The following ZMYM4 variants were observed in gnomAD, a reference collection of about 807,000 sequenced individuals.
ZMYM4 encodes the protein zinc finger MYM-type containing 4.
ZMYM4 carries 31 observed loss-of-function variants against 183.2 expected under a neutral mutation model. The observed-to-expected ratio is 0.17, with a 90% CI of 0.13 to 0.23. The LOEUF is 0.23. ZMYM4 is among the 10% of genes least tolerant of loss of function. ZMYM4 has a pLI of 1.00. For synonymous variants in ZMYM4, 592 were observed against 631.2 expected (o/e 0.94, Z 0.93); for missense variants, 1,273 against 1,840.3 (o/e 0.69, Z 5.64).
At chr1:35,374,921 T>G (rs1171391863) in intron 7 of ZMYM4, among the ~76,000 whole-genome samples, 1 of 152,200 alleles carries the variant, frequency 6.6e-6, no homozygotes, top group Non-Finnish European at 1.5e-5. Context: ...TTTATCTATG[T>G]CTTGATCTTA....
intron 1 of ZMYM4, among the ~76,000 whole-genome samples, chr1:35,314,518 C>T (rs1408518840): frequency 6.6e-6 from 1 of 151,438 alleles, no homozygotes; most frequent in Non-Finnish European, 1.5e-5. Context: ...CTCCTGACCT[C>T]AAGTGATCCA....
rs200690605 is a variant in ZMYM4, at chr1:35,367,220, AT to A, written c.841-2795del. Reference sequence around the variant, plus strand: ...TGGTTGAACATCATACAATTAATTAATTTTTTTTTTTTTTAAAAGACAGAGT... The same window carrying A: ...TGGTTGAACATCATACAATTAATTAATTTTTTTTTTTTTAAAAGACAGAGT... On this transcript the variant is annotated intron_variant, in intron 5 of 29. Transcript: ENST00000314607. 8.4e-3 allele frequency among the ~76,000 whole-genome samples: 1,219 copies of A among 145,288 alleles called. 14 individuals carry two copies. Among genetic ancestry groups the A allele is most frequent in the African/African-American group, 0.026 (1,028 of 39,862 alleles).
At chr1:35,355,696 T>C (rs915630829) in intron 2 of ZMYM4, among the ~76,000 whole-genome samples, 1 of 152,198 alleles carries the variant, frequency 6.6e-6, no homozygotes, top group Admixed American at 6.5e-5. Flanking sequence ...ACTTGATCTT[T>C]TATTCTGGAT....
chr1:35,322,660 G>T (rs552833979), intron 1 of ZMYM4, among the ~76,000 whole-genome samples: 2 of 152,128 alleles, frequency 1.3e-5, no homozygotes, highest in African/African-American at 4.8e-5. Flanking sequence ...GACAGGTGTC[G>T]TAGGCAGCAT....
intron 1 of ZMYM4, among the ~76,000 whole-genome samples, chr1:35,305,032 G>C (rs1288450339): frequency 6.6e-6 from 1 of 151,888 alleles, no homozygotes; most frequent in Non-Finnish European, 1.5e-5. Flanking sequence ...TTTTAGTAGA[G>C]ATGGGGTTTC....
At chr1:35,388,192 A>G (rs549511084) in intron 13 of ZMYM4, among the ~76,000 whole-genome samples, 2 of 152,210 alleles carry the variant, frequency 1.3e-5, no homozygotes, top group South Asian at 4.1e-4. Flanking sequence ...TACCTAAATA[A>G]AAGTTTTTTT....
rs56242648 is a variant in ZMYM4 at position 35,331,797 on chromosome 1, CATAA to C, written c.85+6430_85+6433del. 8.5e-3 allele frequency among the ~76,000 whole-genome samples: 1,190 copies of C among 140,624 alleles called. 3 individuals are homozygous for C. Among genetic ancestry groups the C allele is most frequent in the South Asian group, 0.015 (64 of 4,386 alleles). The allele number at this position is 140,624 out of a possible 152,430, so 92.3% of individuals were successfully genotyped here. ...AGAAAAAGACTCCATCTCAAAAATA[CATAA>C]ATAAATAAATAAATAAATAAATAAA... On this transcript the variant is annotated intron_variant, in intron 2 of 29. Transcript: ENST00000314607.
chr1:35,295,060 G>C (rs1012710844), intron 1 of ZMYM4, among the ~76,000 whole-genome samples: 3 of 152,232 alleles, frequency 2.0e-5, no homozygotes, highest in Non-Finnish European at 4.4e-5. Context: ...GGAGGATACA[G>C]TAATGAATAA....
At chr1:35,393,564 G>A (rs769462888) in intron 17 of ZMYM4, 31 bp from the exon 18 acceptor site, 1 of 1,547,872 alleles carries the variant, frequency 6.5e-7, no homozygotes, top group Non-Finnish European at 8.7e-7. Context: ...TTTTAAAAAT[G>A]TTTTTGGTTT....
chr1:35,325,063 T>A (rs950484188), intron 1 of ZMYM4, among the ~76,000 whole-genome samples: 2 of 152,158 alleles, frequency 1.3e-5, no homozygotes, highest in African/African-American at 4.8e-5. Context: ...TGTTTACTGT[T>A]ATTAAAATAT....
chr1:35,288,131 A>G (rs1196817856), intron 1 of ZMYM4, among the ~76,000 whole-genome samples: 2 of 152,198 alleles, frequency 1.3e-5, no homozygotes, highest in East Asian at 1.9e-4. Context: ...TACATCAGGT[A>G]TGATTTTAAA....
chr1:35,345,518 G>C (rs1033358440), intron 2 of ZMYM4, among the ~76,000 whole-genome samples: 1 of 151,722 alleles, frequency 6.6e-6, no homozygotes, highest in Non-Finnish European at 1.5e-5. Flanking sequence ...GCAGTGGTGC[G>C]ATCTCGACTC....
Position 35,277,428 on chromosome 1 carries a change from A to G in ZMYM4, c.39+8343A>G, listed in dbSNP as rs368322746. On this transcript the variant is annotated intron_variant, in intron 1 of 29. Coordinates refer to ENST00000314607, the MANE Select transcript of ZMYM4 (RefSeq NM_005095.3). Reference sequence around the variant, plus strand: ...ATAGTTTAAACTGGAATTGTTCTAGACAAATTAGGATTTATAGTCATTCCA... The same window carrying G: ...ATAGTTTAAACTGGAATTGTTCTAGGCAAATTAGGATTTATAGTCATTCCA... Among the ~76,000 whole-genome samples, 8 of 152,334 alleles carry G rather than the reference A, an allele frequency of 5.3e-5. No homozygotes were observed. The East Asian group carries it at 1.5e-3, about 29-fold the overall frequency.
chr1:35,402,989 G>A (rs1349041987), intron 23 of ZMYM4, among the ~76,000 whole-genome samples: 5 of 152,166 alleles, frequency 3.3e-5, no homozygotes, highest in Non-Finnish European at 7.4e-5. Flanking sequence ...AAAGTATGAT[G>A]TTACCTGTAG....
chr1:35,405,943 A>G (rs1644995475), intron 25 of ZMYM4, among the ~76,000 whole-genome samples: 1 of 152,192 alleles, frequency 6.6e-6, no homozygotes, highest in Non-Finnish European at 1.5e-5. Context: ...TAAGGCCCAC[A>G]TTAGTTTTCA....
At chr1:35,349,396 T>G (rs1643514436) in intron 2 of ZMYM4, among the ~76,000 whole-genome samples, 1 of 152,248 alleles carries the variant, frequency 6.6e-6, no homozygotes, top group African/African-American at 2.4e-5. Context: ...AATAAATGTT[T>G]AAGGCAATTG....
At chr1:35,333,534 A>G (rs1642847239) in intron 2 of ZMYM4, among the ~76,000 whole-genome samples, 1 of 152,128 alleles carries the variant, frequency 6.6e-6, no homozygotes, top group Non-Finnish European at 1.5e-5. Flanking sequence ...CTGGGATTAC[A>G]AGTGTCAGCT....
rs561582512 is a variant in ZMYM4 at position 35,347,779 on chromosome 1, C to G, written c.86-11146C>G. Among the ~76,000 whole-genome samples, 19 of 152,150 alleles carry G rather than the reference C, an allele frequency of 1.2e-4. 1 individual carries two copies. In the South Asian group the frequency reaches 3.7e-3, roughly 30 times the overall value. ...GGTCATTGGTACCGTCTCCCCATAT[C>G]TCTGTGGTATTGTGCTTCTGCAATT... On this transcript the variant is annotated intron_variant, in intron 2 of 29. Transcript: ENST00000314607.
chr1:35,286,739 C>G (rs1557915421), intron 1 of ZMYM4, among the ~76,000 whole-genome samples: 1 of 145,084 alleles, frequency 6.9e-6, no homozygotes, highest in Non-Finnish European at 1.5e-5. Flanking sequence ...GCTAGGACCA[C>G]AGACAATACC....
Sources: allele counts gnomAD v4.1 joint callset (sites outside exome capture counted in the v4.1 genomes callset), GRCh38; gene constraint gnomAD v4.1.1; transcripts MANE v1.5; gene names NCBI Gene and HGNC (gene_info 2026-07-23, HGNC 2026-07-21).